MEIS1: variants seen among roughly 807,000 people sequenced by gnomAD.
The protein encoded by MEIS1 is homeobox protein Meis1.
MEIS1 carries 5 observed loss-of-function variants against 50.8 expected under a neutral mutation model. That is an observed-to-expected ratio of 0.10 (90% CI 0.05 to 0.21). The LOEUF (loss-of-function observed/expected upper bound fraction) is 0.21, where lower values mean the gene tolerates loss of function less well. Ranked by LOEUF, MEIS1 falls within the 10% of genes least tolerant of loss-of-function variation. The probability of loss-of-function intolerance (pLI) is 1.00; values close to 1 mark genes in which losing one functional copy is unlikely to be tolerated. For missense variants in MEIS1, 318 were observed against 517.3 expected (o/e 0.61, Z 3.74); for synonymous variants, 176 against 179.3 (o/e 0.98, Z 0.15).
At chr2:66,555,280 C>CTCTCTCTGTCT (rs10695722) in intron 9 of MEIS1, among the ~76,000 whole-genome samples, 3 of 133,848 alleles carry the variant, frequency 2.2e-5, no homozygotes, top group Admixed American at 8.2e-5. Context: ...CTCTCTCTCT[C>CTCTCTCTGTCT]GTCTCTCTCC....
chr2:66,472,866 G>A (rs899557984), intron 7 of MEIS1, among the ~76,000 whole-genome samples: 2 of 152,102 alleles, frequency 1.3e-5, no homozygotes, highest in South Asian at 2.1e-4. Context: ...TGTGTTCACC[G>A]CCATTAGTCA....
At chr2:66,495,104 T>G (rs1007116217) in intron 7 of MEIS1, among the ~76,000 whole-genome samples, 2 of 149,354 alleles carry the variant, frequency 1.3e-5, no homozygotes, top group South Asian at 4.3e-4. Context: ...TTTTTTTTTT[T>G]TTTTAAACTA....
chr2:66,530,705 G>C (rs1405715021), intron 8 of MEIS1, among the ~76,000 whole-genome samples: 2 of 121,776 alleles, frequency 1.6e-5, no homozygotes, highest in Admixed American at 1.8e-4. Context: ...GACAGAGCAA[G>C]ACTCCAACTC....
chr2:66,443,649 T>C (rs184101585), intron 6 of MEIS1: 3 of 152,406 alleles, frequency 2.0e-5, no homozygotes, highest in African/African-American at 7.2e-5. Context: ...TTGTACTTAA[T>C]AGAAAAAATA....
intron 7 of MEIS1, chr2:66,496,002 A>G (rs76563747): frequency 0.021 from 3,140 of 152,386 alleles, 50 homozygotes; most frequent in Middle Eastern, 0.075. Flanking sequence ...TTGGGAAGAG[A>G]TGATCATCCC....
At chr2:66,508,881 T>A (rs1329668694) in intron 7 of MEIS1, 1 of 400,168 alleles carries the variant, frequency 2.5e-6, no homozygotes, top group South Asian at 1.9e-5. Flanking sequence ...CTAGCATCAT[T>A]TTTATGATTA....
intron 6 of MEIS1, 131 bp downstream of exon 6, chr2:66,443,179 A>T: frequency 8.8e-7 from 1 of 1,131,770 alleles, no homozygotes; most frequent in Non-Finnish European, 1.2e-6. Flanking sequence ...TTCCATCGAA[A>T]TGAAAATTTT....
chr2:66,554,417 A>T (rs568214925), intron 9 of MEIS1, among the ~76,000 whole-genome samples: 6 of 152,210 alleles, frequency 3.9e-5, no homozygotes, highest in Non-Finnish European at 8.8e-5. Flanking sequence ...TGGAGAGGGC[A>T]TAGGGATGAG....
rs546354457 is a variant in MEIS1, at chr2:66,526,316, T to A, written c.888+14022T>A. ...GGTCTAAGTCATTGAGGATCAAAGG[T>A]CATAAGGAATCCAAAAGCCATTAGT... On this transcript the variant is annotated intron_variant, in intron 8 of 12. Coordinates refer to ENST00000272369, the MANE Select transcript of MEIS1 (RefSeq NM_002398.3). 1.4e-4 allele frequency among the ~76,000 whole-genome samples: 22 copies of A among 152,304 alleles called. No individual in the cohort carries two copies. The South Asian group carries it at 4.6e-3, about 32-fold the overall frequency.
chr2:66,512,358 A>T, intron 8 of MEIS1, 64 bp downstream of exon 8: 2 of 1,497,314 alleles, frequency 1.3e-6, no homozygotes, highest in Admixed American at 4.8e-5. Context: ...TTTATACAAA[A>T]AAATGAGAAA....
chr2:66,498,256 T>C (rs1454789182), intron 7 of MEIS1, among the ~76,000 whole-genome samples: 1 of 152,144 alleles, frequency 6.6e-6, no homozygotes, highest in Non-Finnish European at 1.5e-5. Context: ...GAAACATTTT[T>C]ATATAGCTGA....
intron 7 of MEIS1, among the ~76,000 whole-genome samples, chr2:66,486,596 C>T (rs1175519472): frequency 1.3e-5 from 2 of 152,022 alleles, no homozygotes; most frequent in Non-Finnish European, 2.9e-5. Context: ...TTTTTGGTTC[C>T]ATATGAAATT....
chr2:66,548,247 A>G (rs2103931500), intron 9 of MEIS1, among the ~76,000 whole-genome samples: 1 of 152,342 alleles, frequency 6.6e-6, no homozygotes, highest in Middle Eastern at 3.4e-3. Flanking sequence ...AATTTTATGC[A>G]TAGTATAAGT....
chr2:66,490,566 A>C (rs746086800), intron 7 of MEIS1, among the ~76,000 whole-genome samples: 36 of 152,320 alleles, frequency 2.4e-4, no homozygotes, highest in Middle Eastern at 3.4e-3. Context: ...TGTAAGTGTC[A>C]AAGGGAAAGG....
At chr2:66,566,664 A>C (rs1675355520) in intron 9 of MEIS1, among the ~76,000 whole-genome samples, 1 of 152,148 alleles carries the variant, frequency 6.6e-6, no homozygotes, top group African/African-American at 2.4e-5. Flanking sequence ...AATTGTACAA[A>C]ACTATCTTAT....
chr2:66,535,445 A>G (rs1463541139), intron 8 of MEIS1, among the ~76,000 whole-genome samples: 1 of 152,204 alleles, frequency 6.6e-6, no homozygotes, highest in East Asian at 1.9e-4. Context: ...ACTTTATCTC[A>G]CAGTCTTGTT....
chr2:66,438,721 T>C (rs1442020654), intron 2 of MEIS1, among the ~76,000 whole-genome samples: 2 of 152,228 alleles, frequency 1.3e-5, no homozygotes, highest in Non-Finnish European at 2.9e-5. Flanking sequence ...TGAAACTCAC[T>C]TGTGCCTACT....
At chr2:66,563,409 G>T (rs1675266095) in intron 9 of MEIS1, among the ~76,000 whole-genome samples, 1 of 151,920 alleles carries the variant, frequency 6.6e-6, no homozygotes, top group Admixed American at 6.6e-5. Context: ...CATAAATGTA[G>T]ATATATATTT....
At chr2:66,513,930 T>C (rs961998151) in intron 8 of MEIS1, among the ~76,000 whole-genome samples, 3 of 152,116 alleles carry the variant, frequency 2.0e-5, no homozygotes, top group Non-Finnish European at 4.4e-5. Context: ...ACGAATGATA[T>C]GACATTTAGA....
Sources: gnomAD v4.1 joint callset for allele counts (sites outside exome capture counted in the v4.1 genomes callset) on GRCh38, gnomAD v4.1.1 for gene constraint, MANE v1.5 for transcripts, NCBI Gene and HGNC (gene_info 2026-07-23, HGNC 2026-07-21) for gene names.